Variants in ADAMTSL1 observed in about 807,000 individuals in gnomAD.
ADAMTSL1 encodes ADAMTS-like protein 1.
A neutral mutation model predicts 201.8 loss-of-function variants in ADAMTSL1; 126 were observed. The observed-to-expected ratio is 0.62, with a 90% confidence interval of 0.54 to 0.72. ADAMTSL1 has a LOEUF of 0.72. ADAMTSL1 is among the 30% of genes least tolerant of loss of function. The probability of loss-of-function intolerance (pLI) is 0.00; values close to 1 mark genes in which losing one functional copy is unlikely to be tolerated. For missense variants in ADAMTSL1, 2,679 were observed against 2,277.8 expected (o/e 1.18, Z -3.59); for synonymous variants, 1,121 against 903.4 (o/e 1.24, Z -4.32).
chr9:18,671,869 C>G (rs1002476971), intron 9 of ADAMTSL1, among the ~76,000 whole-genome samples: 1 of 152,068 alleles, frequency 6.6e-6, no homozygotes, highest in African/African-American at 2.4e-5. Context: ...AACCCCATCT[C>G]TACTAAAAAT....
chr9:18,095,415 T>C (rs1300775384), intron 1 of ADAMTSL1, among the ~76,000 whole-genome samples: 7 of 135,110 alleles, frequency 5.2e-5, no homozygotes, highest in African/African-American at 2.0e-4. Context: ...CTTCTTTCTT[T>C]CTTTTTTTTT....
chr9:18,391,299 A>C (rs796920367), intron 2 of ADAMTSL1, among the ~76,000 whole-genome samples: 6 of 152,254 alleles, frequency 3.9e-5, no homozygotes, highest in African/African-American at 1.4e-4. Context: ...ATTGCATCAA[A>C]ATTACTAGAG....
chr9:18,322,613 T>A (rs959504018), intron 2 of ADAMTSL1, among the ~76,000 whole-genome samples: 11 of 152,054 alleles, frequency 7.2e-5, no homozygotes, highest in Admixed American at 2.6e-4. Context: ...CCAGCCTGGG[T>A]GACGAGAGCA....
intron 13 of ADAMTSL1, among the ~76,000 whole-genome samples, chr9:18,703,340 G>C (rs150161160): frequency 2.6e-5 from 4 of 152,118 alleles, no homozygotes; most frequent in African/African-American, 9.6e-5. Context: ...CTAGGGACTT[G>C]GGGAAAAGCC....
chr9:18,276,176 GC>G (rs1456552701), intron 2 of ADAMTSL1, among the ~76,000 whole-genome samples: 1 of 151,746 alleles, frequency 6.6e-6, no homozygotes, highest in Non-Finnish European at 1.5e-5. Flanking sequence ...TATCACCCCT[GC>G]CCCTTTTTTA....
At chr9:17,954,867 C>A in intron 1 of ADAMTSL1, among the ~76,000 whole-genome samples, 1 of 152,138 alleles carries the variant, frequency 6.6e-6, no homozygotes, top group East Asian at 1.9e-4. Context: ...TCTACTTCTT[C>A]CAGTTCAGCT....
At chr9:18,477,989 GA>G (rs1342314644) in intron 1 of ADAMTSL1, among the ~76,000 whole-genome samples, 1 of 152,178 alleles carries the variant, frequency 6.6e-6, no homozygotes, top group East Asian at 1.9e-4. Flanking sequence ...AGTCTTTTGA[GA>G]GACAAAGAGA....
At chr9:18,300,866 A>G (rs138642149) in intron 2 of ADAMTSL1, among the ~76,000 whole-genome samples, 198 of 152,326 alleles carry the variant, frequency 1.3e-3, no homozygotes, top group African/African-American at 4.0e-3. Context: ...AAAAAGTTAT[A>G]TATTATTTGA....
At chr9:18,672,157 A>C (rs183068474) in intron 9 of ADAMTSL1, among the ~76,000 whole-genome samples, 31 of 151,850 alleles carry the variant, frequency 2.0e-4, no homozygotes, top group Non-Finnish European at 4.3e-4. Context: ...ATATTCTACA[A>C]CTGAGCAGTG....
chr9:18,275,391 G>A (rs1318684959), intron 2 of ADAMTSL1, among the ~76,000 whole-genome samples: 2 of 152,050 alleles, frequency 1.3e-5, no homozygotes, highest in Non-Finnish European at 2.9e-5. Flanking sequence ...CATTTTAAGT[G>A]TACAGTTCTA....
At chr9:18,378,620 G>A (rs949336240) in intron 2 of ADAMTSL1, among the ~76,000 whole-genome samples, 3 of 152,040 alleles carry the variant, frequency 2.0e-5, no homozygotes, top group African/African-American at 7.2e-5. Flanking sequence ...TTCAGAACAA[G>A]CCTTTCTCCT....
chr9:18,157,079 G>T (rs1239217914), intron 1 of ADAMTSL1, among the ~76,000 whole-genome samples: 1 of 152,106 alleles, frequency 6.6e-6, no homozygotes, highest in Middle Eastern at 3.4e-3. Context: ...TAAAAAGTCA[G>T]CTTGGTGAAG....
At chr9:18,301,497 T>C (rs1279758306) in intron 2 of ADAMTSL1, among the ~76,000 whole-genome samples, 1 of 152,186 alleles carries the variant, frequency 6.6e-6, no homozygotes, top group Non-Finnish European at 1.5e-5. Flanking sequence ...CCTAATAACA[T>C]TTAATTTATA....
At chr9:18,504,201 T>C (rs1455669605) in intron 1 of ADAMTSL1, among the ~76,000 whole-genome samples, 2 of 152,192 alleles carry the variant, frequency 1.3e-5, no homozygotes, top group Non-Finnish European at 2.9e-5. Flanking sequence ...AAGTACAGCA[T>C]TGAGACCTGT....
chr9:18,127,521 C>A lies in ADAMTSL1; in HGVS notation c.88-36341C>A, dbSNP rs572867324. On this transcript the variant is annotated intron_variant, in intron 1 of 29. Coordinates refer to the ADAMTSL1 transcript ENST00000680146. The stretch of plus-strand genomic sequence containing the variant: ...ACACACACACACACACACACACACA[C>A]AACACATGCTTTAATAGAAGGAGAA... Among the ~76,000 whole-genome samples, 148 of 143,018 alleles carry A rather than the reference C, an allele frequency of 1.0e-3. 1 individual carries two copies. Among genetic ancestry groups the A allele is most frequent in the African/African-American group, 3.4e-3 (136 of 39,854 alleles). The allele number at this position is 143,018 out of a possible 152,430, so 93.8% of individuals were successfully genotyped here.
In ADAMTSL1 at chr9:18,910,009, G is replaced by C. The variant is rs1487819348; in HGVS notation, c.*1461G>C. On this transcript the variant is annotated 3_prime_UTR_variant, in exon 29 of 29. Transcript: ENST00000380548. Reference sequence around the variant, plus strand: ...AATTTTTGCCTCCTTCCCTCGCGTGGCCTGAGTTTAGGAGCAAGGGTGGCC... The same window carrying C: ...AATTTTTGCCTCCTTCCCTCGCGTGCCCTGAGTTTAGGAGCAAGGGTGGCC... 2 of 152,192 alleles carry C rather than the reference G, an allele frequency of 1.3e-5. No individual in the cohort carries two copies. The highest frequency in any genetic ancestry group is 2.9e-5 in the Non-Finnish European group (2 of 68,038). 9.4% of individuals were successfully genotyped at this position (152,192 alleles called of 1,614,324 possible).
chr9:18,883,152 C>A (rs755344638), intron 23 of ADAMTSL1, among the ~76,000 whole-genome samples: 1 of 152,200 alleles, frequency 6.6e-6, no homozygotes, highest in South Asian at 2.1e-4. Context: ...CTCACACATA[C>A]ACATGCTGCA....
At chr9:18,485,646 G>T (rs1322349541) in intron 1 of ADAMTSL1, among the ~76,000 whole-genome samples, 2 of 152,202 alleles carry the variant, frequency 1.3e-5, no homozygotes, top group Non-Finnish European at 2.9e-5. Context: ...GCAGATAAGA[G>T]AGGGAAGAGG....
chr9:18,566,380 G>A (rs1342064342), intron 3 of ADAMTSL1, among the ~76,000 whole-genome samples: 20 of 152,144 alleles, frequency 1.3e-4, no homozygotes, highest in Non-Finnish European at 1.5e-4. Flanking sequence ...TGTAGTAGAC[G>A]AAGACAGACA....
Sources: allele counts gnomAD v4.1 joint callset (sites outside exome capture counted in the v4.1 genomes callset), GRCh38; gene constraint gnomAD v4.1.1; transcripts MANE v1.5; gene names NCBI Gene and HGNC (gene_info 2026-07-23, HGNC 2026-07-21).